Variants in ASTN2 observed in about 807,000 individuals in gnomAD.
ASTN2 encodes astrotactin 2.
In ASTN2, 54 loss-of-function variants were observed where a neutral mutation model predicts 139.8. That is an observed-to-expected ratio of 0.39 (90% CI 0.31 to 0.48). The LOEUF is 0.48. Among genes scored for constraint, ASTN2 ranks in the 20% least tolerant of loss-of-function variants. ASTN2 has a pLI of 0.95. For synonymous variants in ASTN2, 756 were observed against 719.5 expected (o/e 1.05, Z -0.81); for missense variants, 1,565 against 1,725.1 (o/e 0.91, Z 1.64).
At chr9:116,780,131 T>C (rs532818276) in intron 13 of ASTN2, among the ~76,000 whole-genome samples, 2 of 152,206 alleles carry the variant, frequency 1.3e-5, no homozygotes, top group Non-Finnish European at 2.9e-5. Flanking sequence ...CTAGAAGATA[T>C]AATCTCTGCT....
In ASTN2 at chr9:116,889,226, A is replaced by C. The variant is rs185869825; in HGVS notation, c.1890-25493T>G. Among the ~76,000 whole-genome samples the C allele has an allele frequency of 4.1e-4, 63 of 152,252 alleles. No homozygotes were observed. The East Asian group carries it at 0.01, about 24-fold the overall frequency. On this transcript the variant is annotated intron_variant, in intron 10 of 22. Coordinates refer to ENST00000313400, the MANE Select transcript of ASTN2 (RefSeq NM_001365068.1). The stretch of plus-strand genomic sequence containing the variant: ...GGAAGAGAAGGAAGCAAAAGAAAAA[A>C]AAGAAGAGGAAAAAAGAAGGCAAGA...
chr9:116,679,284 C>A (rs803898), intron 16 of ASTN2, among the ~76,000 whole-genome samples: 1 of 151,928 alleles, frequency 6.6e-6, no homozygotes, highest in Admixed American at 6.6e-5. Flanking sequence ...ATAAATTATG[C>A]CTCTTTCTAG....
intron 7 of ASTN2, among the ~76,000 whole-genome samples, chr9:116,977,585 G>T (rs1259145083): frequency 6.6e-6 from 1 of 152,042 alleles, no homozygotes; most frequent in East Asian, 1.9e-4. Context: ...CAAGTGGCCA[G>T]CATATGTCCA....
intron 20 of ASTN2, among the ~76,000 whole-genome samples, 189 bp from the exon 21 acceptor site, chr9:116,442,742 G>C (rs1190351359): frequency 6.6e-6 from 1 of 152,184 alleles, no homozygotes; most frequent in Non-Finnish European, 1.5e-5. Flanking sequence ...TTAAAAGGGA[G>C]GGATTTATTG....
chr9:116,604,151 C>T (rs1855063050), intron 19 of ASTN2, among the ~76,000 whole-genome samples: 1 of 152,234 alleles, frequency 6.6e-6, no homozygotes. Context: ...TGTCCTGTTA[C>T]CATTCCATAC....
rs980766638 is a variant in ASTN2, at chr9:116,989,583, T to TG, written c.1592-12799dup. ...TGCTAATCTCATTTCTGATTATATT[T>TG]GGGTTTTTTTTTTTTTTTTGATGAA... On this transcript the variant is annotated intron_variant, in intron 7 of 22. Transcript: ENST00000313400. 2.9e-4 allele frequency among the ~76,000 whole-genome samples: 27 copies of TG among 92,888 alleles called. No individual in the cohort carries two copies. The South Asian group carries it at 6.8e-3, about 24-fold the overall frequency. The allele number at this position is 92,888 out of a possible 152,430, so 60.9% of individuals were successfully genotyped here. A position where few individuals can be genotyped will look rare whatever the true frequency, so the allele number is the denominator to read the frequency against.
intron 11 of ASTN2, among the ~76,000 whole-genome samples, chr9:116,851,237 A>C (rs1368650085): frequency 1.3e-5 from 2 of 152,152 alleles, no homozygotes; most frequent in South Asian, 4.1e-4. Flanking sequence ...CTGTAAAAAA[A>C]ACATGATTAG....
chr9:116,541,618 C>T (rs1345661200), intron 19 of ASTN2, among the ~76,000 whole-genome samples: 2 of 152,140 alleles, frequency 1.3e-5, no homozygotes, highest in African/African-American at 4.8e-5. Context: ...TGAAACACTG[C>T]ACCAGATTGG....
intron 6 of ASTN2, among the ~76,000 whole-genome samples, chr9:117,023,830 T>C (rs1837967458): frequency 6.6e-6 from 1 of 152,142 alleles, no homozygotes; most frequent in Non-Finnish European, 1.5e-5. Flanking sequence ...GTGGTGAGGT[T>C]GTTTCCGGAA....
intron 16 of ASTN2, among the ~76,000 whole-genome samples, chr9:116,672,105 G>A (rs926129108): frequency 6.6e-6 from 1 of 152,170 alleles, no homozygotes; most frequent in Admixed American, 6.5e-5. Context: ...TGGGCACAGT[G>A]ACTCATACCT....
intron 3 of ASTN2, among the ~76,000 whole-genome samples, chr9:117,145,553 C>T (rs1210197367): frequency 1.3e-5 from 2 of 152,166 alleles, no homozygotes; most frequent in African/African-American, 4.8e-5. Context: ...TCAACAATTA[C>T]AGCTTTCTGC....
intron 17 of ASTN2, among the ~76,000 whole-genome samples, chr9:116,624,677 T>A (rs2131841006): frequency 6.6e-6 from 1 of 152,280 alleles, no homozygotes; most frequent in East Asian, 1.9e-4. Context: ...CACTAAAAAA[T>A]ATTTTCATGT....
intron 6 of ASTN2, among the ~76,000 whole-genome samples, chr9:117,025,920 T>G (rs1838061453): frequency 6.6e-6 from 1 of 151,470 alleles, no homozygotes; most frequent in Non-Finnish European, 1.5e-5. Context: ...GCCTCCTGAG[T>G]AGCTGGACTA....
At chr9:116,442,578 C>T (rs892961639) in intron 20 of ASTN2, 25 bp from the exon 21 acceptor site, 3 of 1,603,214 alleles carry the variant, frequency 1.9e-6, no homozygotes, top group Non-Finnish European at 2.6e-6. Flanking sequence ...GAAAACAGAG[C>T]ACCAGGCTGT....
At chr9:116,687,336 C>T (rs1160273786) in intron 16 of ASTN2, 16 of 907,570 alleles carry the variant, frequency 1.8e-5, no homozygotes, top group Non-Finnish European at 2.1e-5. Context: ...GGGAGGCAGG[C>T]GGGTGGGCTG....
intron 11 of ASTN2, among the ~76,000 whole-genome samples, chr9:116,831,031 T>C (rs918745080): frequency 6.8e-6 from 1 of 147,594 alleles, no homozygotes; most frequent in African/African-American, 2.5e-5. Flanking sequence ...AATGAAATCA[T>C]GTCTTTTGCA....
intron 19 of ASTN2, among the ~76,000 whole-genome samples, chr9:116,547,844 C>G (rs137926126): frequency 6.6e-6 from 1 of 152,096 alleles, no homozygotes; most frequent in African/African-American, 2.4e-5. Context: ...GAGCTGCCCC[C>G]CAAGCTGAGG....
chr9:117,039,229 C>G (rs532811073), intron 6 of ASTN2, among the ~76,000 whole-genome samples: 2 of 152,122 alleles, frequency 1.3e-5, no homozygotes, highest in Non-Finnish European at 2.9e-5. Context: ...TACACACACA[C>G]CATGGAATAC....
chr9:117,139,602 A>T (rs888223693), intron 4 of ASTN2, among the ~76,000 whole-genome samples: 1 of 152,224 alleles, frequency 6.6e-6, no homozygotes, highest in African/African-American at 2.4e-5. Flanking sequence ...AAGATTAAGA[A>T]TTAGACATCC....
Sources: gnomAD v4.1 joint callset for allele counts (sites outside exome capture counted in the v4.1 genomes callset) on GRCh38, gnomAD v4.1.1 for gene constraint, MANE v1.5 for transcripts, NCBI Gene and HGNC (gene_info 2026-07-23, HGNC 2026-07-21) for gene names.